The following CHD7 variants were observed in gnomAD, a reference collection of about 807,000 sequenced individuals.
CHD7 encodes the protein chromodomain helicase DNA binding protein 7.
CHD7 carries 24 observed loss-of-function variants against 307.3 expected under a neutral mutation model. The ratio of observed to expected loss-of-function variants is 0.08; its 90% CI spans 0.06 to 0.11. CHD7 has a LOEUF of 0.11. Ranked by LOEUF, CHD7 falls within the 10% of genes least tolerant of loss-of-function variation. The pLI, the probability that CHD7 is intolerant of heterozygous loss-of-function variation, is 1.00. For missense variants in CHD7, 3,106 were observed against 3,727.1 expected (o/e 0.83, Z 4.34); for synonymous variants, 1,363 against 1,349.9 (o/e 1.01, Z -0.21).
intron 1 of CHD7, among the ~76,000 whole-genome samples, chr8:60,687,293 A>C (rs1486003704): frequency 1.0e-5 from 1 of 96,870 alleles, no homozygotes; most frequent in Admixed American, 1.2e-4. Context: ...GTTTGAGCAC[A>C]GGAATATGAT....
chr8:60,689,232 C>G (rs1806072331), intron 1 of CHD7, among the ~76,000 whole-genome samples: 1 of 152,164 alleles, frequency 6.6e-6, no homozygotes, highest in South Asian at 2.1e-4. Flanking sequence ...TTGTACTATT[C>G]TAACTTTACT....
intron 2 of CHD7, among the ~76,000 whole-genome samples, chr8:60,761,439 A>T (rs1390517423): frequency 6.6e-6 from 1 of 151,996 alleles, no homozygotes; most frequent in Non-Finnish European, 1.5e-5. Context: ...ACATGTATAC[A>T]TATGTAACTA....
chr8:60,852,270 C>T, intron 29 of CHD7, 23 bp downstream of exon 29: 1 of 1,598,652 alleles, frequency 6.3e-7, no homozygotes, highest in Middle Eastern at 1.8e-4. Flanking sequence ...AAGGTTTCCA[C>T]TCAGCTCCCG....
intron 1 of CHD7, among the ~76,000 whole-genome samples, chr8:60,730,644 A>AGATCTCCT (rs1347671638): frequency 6.6e-6 from 1 of 152,146 alleles, no homozygotes; most frequent in East Asian, 1.9e-4. Context: ...GTGGATCACG[A>AGATCTCCT]GGTCAGGAGA....
intron 35 of CHD7, 92 bp from the exon 36 acceptor site, chr8:60,862,104 T>C (rs1038016160): frequency 6.5e-6 from 6 of 927,160 alleles, no homozygotes; most frequent in Non-Finnish European, 7.8e-6. Context: ...TCCATAATAA[T>C]TGAAGATGAT....
rs556577614 is a variant in CHD7 at position 60,853,394 on chromosome 8, C to T, written c.6669C>T (p.Val2223=). 32 of 1,536,620 alleles carry T rather than the reference C, an allele frequency of 2.1e-5. No individual in the cohort carries two copies. The highest frequency in any genetic ancestry group is 2.0e-4 in the South Asian group (15 of 76,574). The change falls in exon 31 of 38, where the codon GTC becomes GTT. Residue 2223 remains valine, a synonymous_variant. Transcript: ENST00000423902. The part of the protein sequence containing the change: ...SVKNELKGVE[V]GADTGSKSIS... ...AAAATGAACTGAAAGGTGTTGAGGT[C>T]GGCGCAGACACTGGGTCCAAATCTA...
At chr8:60,827,900 T>G (rs1421654497) in intron 13 of CHD7, among the ~76,000 whole-genome samples, 1 of 152,048 alleles carries the variant, frequency 6.6e-6, no homozygotes. Context: ...GTGTACCAAA[T>G]GGCCAAAGTA....
intron 1 of CHD7, among the ~76,000 whole-genome samples, chr8:60,688,245 T>C (rs528632018): frequency 2.1e-4 from 32 of 152,302 alleles, no homozygotes; most frequent in African/African-American, 7.5e-4. Flanking sequence ...ATCATAAAAA[T>C]GGACATAATA....
intron 2 of CHD7, among the ~76,000 whole-genome samples, chr8:60,765,235 A>C (rs547900092): frequency 1.3e-5 from 2 of 151,624 alleles, no homozygotes; most frequent in South Asian, 4.2e-4. Flanking sequence ...ACACACGCAC[A>C]CGCATGCATG....
intron 1 of CHD7, among the ~76,000 whole-genome samples, chr8:60,681,674 C>T (rs1258745399): frequency 2.6e-5 from 4 of 152,252 alleles, no homozygotes; most frequent in African/African-American, 9.6e-5. Flanking sequence ...TTTTGGTAAT[C>T]TGCTGATAAA....
At chr8:60,771,689 AG>A (rs879568856) in intron 2 of CHD7, among the ~76,000 whole-genome samples, 118,210 of 151,980 alleles carry the variant, frequency 0.78, 46,264 homozygotes, top group East Asian at 0.94. Context: ...TTGACTGGGG[AG>A]GAATCCATGT....
intron 1 of CHD7, among the ~76,000 whole-genome samples, chr8:60,701,833 A>C (rs1237869760): frequency 6.6e-6 from 1 of 152,186 alleles, no homozygotes; most frequent in Non-Finnish European, 1.5e-5. Context: ...GGCAGCCATC[A>C]TCATTTTGGC....
At chr8:60,790,297 A>G (rs1296194005) in intron 3 of CHD7, among the ~76,000 whole-genome samples, 1 of 151,878 alleles carries the variant, frequency 6.6e-6, no homozygotes, top group African/African-American at 2.4e-5. Flanking sequence ...TAGCCTCGTG[A>G]GTGGATGGCT....
intron 2 of CHD7, among the ~76,000 whole-genome samples, chr8:60,760,685 A>G (rs1810145692): frequency 1.3e-5 from 2 of 151,656 alleles, no homozygotes; most frequent in Non-Finnish European, 2.9e-5. Context: ...TGGACAAAGG[A>G]CATGAACAGA....
At chr8:60,852,387 C>T in intron 29 of CHD7, 111 bp from the exon 30 acceptor site, 1 of 1,296,174 alleles carries the variant, frequency 7.7e-7, no homozygotes, top group Non-Finnish European at 1.1e-6. Context: ...GTCTGTTTCC[C>T]CACCCCCAAA....
Position 60,865,673 on chromosome 8 carries a change from G to C in CHD7, c.8734G>C (p.Gly2912Arg). 2 of 1,607,028 alleles carry C rather than the reference G, an allele frequency of 1.2e-6. No individual in the cohort carries two copies. The highest frequency in any genetic ancestry group is 8.5e-7 in the Non-Finnish European group (1 of 1,175,152). ...CTACCCATCCATGTTTCTACCTCCA[G>C]GACTGGGGGGATTGACGCTGCCTGG... ...LFYPSMFLPP[G>R]LGGLTLPGFP... is the part of the protein sequence containing the mutation. Residue 2912 changes from glycine (G) to arginine (R), a missense_variant, in exon 38 of 38, where the codon GGA (glycine) becomes CGA (arginine). Gly to Arg is a moderately radical substitution (Grantham distance 125, BLOSUM62 -2). This residue lies in a region of CHD7 where 351 missense variants were observed against 366.2 expected (regional missense o/e 0.96). Coordinates refer to ENST00000423902, the MANE Select transcript of CHD7 (RefSeq NM_017780.4). This position sits in a 1 kb window ranked among gnomAD's most constrained non-coding sequence, Gnocchi z 4.3.
At chr8:60,757,868 A>G (rs182422835) in intron 2 of CHD7, among the ~76,000 whole-genome samples, 2 of 152,324 alleles carry the variant, frequency 1.3e-5, no homozygotes. Context: ...CATCCAGATT[A>G]TTTAATATGT....
Position 60,865,335 on chromosome 8 carries a change from T to A in CHD7, c.8396T>A (p.Met2799Lys). The A allele has an allele frequency of 6.2e-7, 1 of 1,612,610 alleles. No individual in the cohort carries two copies. The highest frequency in any genetic ancestry group is 1.3e-5 in the African/African-American group (1 of 75,052). ...AKNPAAVLPL[M>K]LPGMAGLPNV... ...AACCCTGCTGCTGTGCTGCCCCTGA[T>A]GCTGCCAGGAATGGCGGGCCTGCCC... The change falls in exon 38 of 38, where the codon ATG becomes AAG. Residue 2799 changes from methionine (M) to lysine (K), a missense_variant. Transcript: ENST00000423902. The surrounding 1 kb of genome is among the most constrained non-coding windows in gnomAD (Gnocchi z 4.3).
chr8:60,737,366 C>G (rs1808762318), intron 1 of CHD7, among the ~76,000 whole-genome samples: 1 of 152,148 alleles, frequency 6.6e-6, no homozygotes, highest in Non-Finnish European at 1.5e-5. Context: ...CACTAGTAAG[C>G]TGCTGTTTCA....
Sources: allele counts gnomAD v4.1 joint callset (sites outside exome capture counted in the v4.1 genomes callset), GRCh38; gene constraint gnomAD v4.1.1; regional missense constraint gnomAD v4.1.1; non-coding constraint Gnocchi (gnomAD v3.1); transcripts MANE v1.5; gene names NCBI Gene and HGNC (gene_info 2026-07-23, HGNC 2026-07-21).